The following TMEM232 variants were observed in gnomAD, a reference collection of about 807,000 sequenced individuals.
TMEM232 encodes the protein transmembrane protein 232.
A neutral mutation model predicts 78.8 loss-of-function variants in TMEM232; 80 were observed. The observed-to-expected ratio is 1.01, with a 90% CI of 0.85 to 1.22. The LOEUF (loss-of-function observed/expected upper bound fraction) is 1.22. Ranked by LOEUF, TMEM232 falls within the 50% of genes most tolerant of loss-of-function variation. The pLI is 0.00. For synonymous variants in TMEM232, 297 were observed against 254.3 expected, an observed-to-expected ratio of 1.17 and a Z score of -1.60; for missense variants, 881 against 742.2, an observed-to-expected ratio of 1.19 and a Z score of -2.17.
At chr5:110,704,925 C>T (rs942492504) in intron 1 of TMEM232, among the ~76,000 whole-genome samples, 1 of 151,970 alleles carries the variant, frequency 6.6e-6, no homozygotes, top group Non-Finnish European at 1.5e-5. Flanking sequence ...TTCTGGGGGT[C>T]AGGGACCTTA....
chr5:110,470,292 C>T (rs1762538405), intron 12 of TMEM232, among the ~76,000 whole-genome samples: 1 of 152,090 alleles, frequency 6.6e-6, no homozygotes, highest in African/African-American at 2.4e-5. Context: ...GGCACAAGCG[C>T]TAGAAGATGC....
chr5:110,704,477 T>C (rs1795728300), intron 1 of TMEM232, among the ~76,000 whole-genome samples: 1 of 152,136 alleles, frequency 6.6e-6, no homozygotes, highest in Admixed American at 6.6e-5. Flanking sequence ...GGACCAGGTC[T>C]GTACTCATGT....
chr5:110,506,405 C>T (rs1481241826), intron 12 of TMEM232, among the ~76,000 whole-genome samples: 1 of 152,052 alleles, frequency 6.6e-6, no homozygotes, highest in East Asian at 1.9e-4. Context: ...CCATTTTACT[C>T]CCCAATAGAA....
intron 12 of TMEM232, among the ~76,000 whole-genome samples, chr5:110,520,431 A>C (rs573446528): frequency 6.6e-6 from 1 of 152,314 alleles, no homozygotes; most frequent in East Asian, 1.9e-4. Context: ...CAATGATAGC[A>C]AAACGTGACA....
chr5:110,417,340 T>C (rs1756259331), downstream of TMEM232, among the ~76,000 whole-genome samples: 1 of 152,136 alleles, frequency 6.6e-6, no homozygotes. Flanking sequence ...GTGGGAAGAA[T>C]GGGAAAACAA....
At chr5:110,603,130 C>G (rs188931624) in intron 10 of TMEM232, among the ~76,000 whole-genome samples, 2 of 151,846 alleles carry the variant, frequency 1.3e-5, no homozygotes, top group Admixed American at 6.6e-5. Flanking sequence ...ATCACACACC[C>G]GGGCCTGTCA....
intron 3 of TMEM232, among the ~76,000 whole-genome samples, chr5:110,391,278 G>C (rs1161714066): frequency 7.1e-6 from 1 of 141,222 alleles, no homozygotes; most frequent in Non-Finnish European, 1.5e-5. Flanking sequence ...AGAAGTCTGA[G>C]GCTCCCGTTT....
intron 1 of TMEM232, among the ~76,000 whole-genome samples, chr5:110,683,619 C>A (rs1793029966): frequency 6.6e-6 from 1 of 151,764 alleles, no homozygotes; most frequent in African/African-American, 2.4e-5. Context: ...AGAATATCTT[C>A]CTAAGGCTTT....
chr5:110,474,814 AAAT>A (rs978541754), intron 12 of TMEM232, among the ~76,000 whole-genome samples: 2 of 152,014 alleles, frequency 1.3e-5, no homozygotes, highest in Non-Finnish European at 2.9e-5. Flanking sequence ...AAGAAAAAAC[AAAT>A]AATGCTAATG....
chr5:110,589,479 G>A (rs905894829), intron 10 of TMEM232, among the ~76,000 whole-genome samples: 3 of 152,128 alleles, frequency 2.0e-5, no homozygotes, highest in African/African-American at 7.2e-5. Flanking sequence ...GCAGATGGAC[G>A]TTTGTTAAAA....
At chr5:110,536,884 AG>A (rs1393841456) in intron 11 of TMEM232, among the ~76,000 whole-genome samples, 2 of 152,160 alleles carry the variant, frequency 1.3e-5, no homozygotes, top group Non-Finnish European at 2.9e-5. Context: ...AGAGAGTAAA[AG>A]GGTTGCTTTA....
intron 12 of TMEM232, among the ~76,000 whole-genome samples, chr5:110,523,853 C>A (rs963336733): frequency 6.6e-6 from 1 of 150,502 alleles, no homozygotes; most frequent in African/African-American, 2.4e-5. Flanking sequence ...CCCAGCTACT[C>A]AGGAGGTTGA....
intron 11 of TMEM232, among the ~76,000 whole-genome samples, chr5:110,529,061 A>T (rs1310944810): frequency 6.6e-6 from 1 of 152,196 alleles, no homozygotes; most frequent in Non-Finnish European, 1.5e-5. Context: ...CCAGTCTTGA[A>T]ATTTTGAAAA....
At chr5:110,637,004 G>T (rs1785931935) in intron 5 of TMEM232, among the ~76,000 whole-genome samples, 1 of 151,664 alleles carries the variant, frequency 6.6e-6, no homozygotes, top group Admixed American at 6.6e-5. Context: ...GGTCACTGAA[G>T]GAGATGAGAA....
intron 8 of TMEM232, chr5:110,618,000 G>C: frequency 5.7e-6 from 1 of 176,274 alleles, no homozygotes; most frequent in South Asian, 1.3e-4. Flanking sequence ...GACAGAGTGA[G>C]ACCAAAAAAA....
intron 12 of TMEM232, among the ~76,000 whole-genome samples, chr5:110,478,896 GA>G (rs1216961090): frequency 8.7e-6 from 1 of 115,560 alleles, no homozygotes; most frequent in Non-Finnish European, 1.7e-5. Flanking sequence ...TGGAGAAATT[GA>G]TTTTTTTTTT....
At chr5:110,453,282 C>A (rs1760519413) in intron 12 of TMEM232, among the ~76,000 whole-genome samples, 2 of 152,054 alleles carry the variant, frequency 1.3e-5, no homozygotes, top group Non-Finnish European at 2.9e-5. Context: ...TAAATTTCTA[C>A]CGCATACTTT....
intron 1 of TMEM232, among the ~76,000 whole-genome samples, chr5:110,711,845 G>A (rs537011633): frequency 6.3e-4 from 96 of 152,154 alleles, no homozygotes; most frequent in Non-Finnish European, 1.2e-3. Flanking sequence ...GGTGGCTCAC[G>A]CCTGTAATCC....
At chr5:110,682,449 T>C (rs1792872784) in intron 1 of TMEM232, among the ~76,000 whole-genome samples, 1 of 152,106 alleles carries the variant, frequency 6.6e-6, no homozygotes, top group Non-Finnish European at 1.5e-5. Context: ...CTGCTTGCTC[T>C]AATGTTCTTG....
Sources: allele counts gnomAD v4.1 joint callset (sites outside exome capture counted in the v4.1 genomes callset), GRCh38; gene constraint gnomAD v4.1.1; transcripts MANE v1.5; gene names NCBI Gene and HGNC (gene_info 2026-07-23, HGNC 2026-07-21).